CXADR: variants seen among roughly 807,000 people sequenced by gnomAD.
The protein encoded by CXADR is CXADR cell adhesion molecule, also known as coxsackievirus and adenovirus receptor.
Under a neutral mutation model 40.3 loss-of-function variants are expected in CXADR, and 20 were observed. That is an observed-to-expected ratio of 0.50 (90% confidence interval 0.35 to 0.72). The LOEUF is 0.72. Among genes scored for constraint, CXADR ranks in the 30% least tolerant of loss-of-function variants. The pLI is 0.01. For missense variants in CXADR, 332 were observed against 449.1 expected (o/e 0.74, Z 2.36); for synonymous variants, 150 against 161.3 (o/e 0.93, Z 0.53).
the CXADR span, among the ~76,000 whole-genome samples, chr21:17,614,482 G>T: frequency 2.0e-5 from 3 of 152,300 alleles, no homozygotes; most frequent in Admixed American, 1.3e-4. Context: ...TGTAGCTCAT[G>T]CCTGTAATCC....
At chr21:17,604,729 A>G in the CXADR span, 1 of 1,157,630 alleles carries the variant, frequency 8.6e-7, no homozygotes, top group Non-Finnish European at 1.2e-6. Context: ...TATTTCATAA[A>G]ATTTACATCT....
At chr21:17,596,397 T>C (rs1272998573), downstream of CXADR, among the ~76,000 whole-genome samples, 1 of 152,062 alleles carries the variant, frequency 6.6e-6, no homozygotes, top group Non-Finnish European at 1.5e-5. Flanking sequence ...CTATGTTTTC[T>C]TCTAAAAGCG....
At chr21:17,601,588 T>C in the CXADR span, among the ~76,000 whole-genome samples, 4 of 152,258 alleles carry the variant, frequency 2.6e-5, no homozygotes, top group East Asian at 1.9e-4. Flanking sequence ...AACATAAAAT[T>C]TGTGTTCTCT....
chr21:17,589,072 C>T (rs532306270), intron 7 of CXADR, among the ~76,000 whole-genome samples: 3 of 151,898 alleles, frequency 2.0e-5, no homozygotes, highest in African/African-American at 4.8e-5. Flanking sequence ...CATCCCTCTA[C>T]TCCCTAATAC....
chr21:17,533,777 T>C (rs898672227), intron 1 of CXADR, among the ~76,000 whole-genome samples: 2 of 151,888 alleles, frequency 1.3e-5, no homozygotes, highest in African/African-American at 4.8e-5. Flanking sequence ...GATTTCTCAT[T>C]GGGGATAGGG....
intron 7 of CXADR, among the ~76,000 whole-genome samples, chr21:17,591,582 A>AAT (rs2061435065): frequency 6.6e-6 from 1 of 151,172 alleles, no homozygotes; most frequent in African/African-American, 2.4e-5. Flanking sequence ...CTTTAGTATT[A>AAT]ATGTGATAGA....
At chr21:17,555,925 C>T (rs1040749551) in intron 3 of CXADR, among the ~76,000 whole-genome samples, 3 of 152,022 alleles carry the variant, frequency 2.0e-5, no homozygotes, top group Non-Finnish European at 2.9e-5. Flanking sequence ...AAAAGTATCC[C>T]CTGTCTCATG....
chr21:17,515,408 G>A (rs80137190), intron 1 of CXADR, among the ~76,000 whole-genome samples: 4,999 of 151,968 alleles, frequency 0.033, 288 homozygotes, highest in African/African-American at 0.11. Flanking sequence ...AGATCATGAC[G>A]CTGCTCTCGA....
At chr21:17,545,410 A>G (rs931875509) in intron 1 of CXADR, among the ~76,000 whole-genome samples, 1 of 152,188 alleles carries the variant, frequency 6.6e-6, no homozygotes, top group Non-Finnish European at 1.5e-5. Flanking sequence ...TTGTTCACTT[A>G]CAGACTAAAT....
At chr21:17,522,876 CCACAGGCATCTCCAGCTGATTCTGTTTCA>C (rs2060549346) in intron 1 of CXADR, among the ~76,000 whole-genome samples, 1 of 152,192 alleles carries the variant, frequency 6.6e-6, no homozygotes, top group Admixed American at 6.5e-5. Flanking sequence ...CACACACTTC[CCACAGGCATCTCCAGCTGATTCTGTTTCA>C]CACTCTTCTC....
intron 1 of CXADR, among the ~76,000 whole-genome samples, chr21:17,543,886 G>C (rs2060860157): frequency 6.6e-6 from 1 of 152,160 alleles, no homozygotes; most frequent in Non-Finnish European, 1.5e-5. Flanking sequence ...TGACAGGCCA[G>C]GCACAGTGGC....
chr21:17,632,675 G>A, the CXADR span, among the ~76,000 whole-genome samples: 7 of 151,874 alleles, frequency 4.6e-5, no homozygotes, highest in Admixed American at 3.3e-4. Context: ...AGACCATCCT[G>A]GCTAACACGG....
chr21:17,608,459 ATAGT>A, the CXADR span, among the ~76,000 whole-genome samples: 4 of 152,176 alleles, frequency 2.6e-5, no homozygotes, highest in Non-Finnish European at 5.9e-5. Context: ...CATCTAGAAA[ATAGT>A]TACACTGACT....
At chr21:17,560,949 G>C in intron 5 of CXADR, 125 bp downstream of exon 5, 1 of 1,375,112 alleles carries the variant, frequency 7.3e-7, no homozygotes, top group Non-Finnish European at 9.7e-7. Context: ...ACTGTGGTTT[G>C]ATTATTAGCT....
chr21:17,593,815 G>A (rs1355365019), downstream of CXADR: 4 of 352,016 alleles, frequency 1.1e-5, no homozygotes, highest in East Asian at 5.6e-5. Context: ...CAGTGTTCTC[G>A]TATCCAACAG....
chr21:17,528,341 TG>T (rs1402433911), intron 1 of CXADR, among the ~76,000 whole-genome samples: 3 of 152,118 alleles, frequency 2.0e-5, no homozygotes, highest in African/African-American at 7.2e-5. Context: ...CCCAAAGTGC[TG>T]GGATTACAGG....
downstream of CXADR, among the ~76,000 whole-genome samples, chr21:17,573,915 A>G (rs1215226075): frequency 2.7e-5 from 4 of 149,090 alleles, no homozygotes; most frequent in South Asian, 8.4e-4. Flanking sequence ...AAAAGAAAAA[A>G]ATTCATAATC....
In CXADR at chr21:17,513,179, A is replaced by C; in HGVS notation, c.43+7A>C. The C allele has an allele frequency of 7.3e-7, 1 of 1,364,780 alleles. No homozygotes were observed. The highest frequency in any genetic ancestry group is 9.5e-7 in the Non-Finnish European group (1 of 1,055,786). The allele number at this position is 1,364,780 out of a possible 1,614,324, so 84.5% of individuals were successfully genotyped here. ...CTCCTGTGCGGAGTAGTGGGTGAGT[A>C]GGGGCCATGGGGTCCTCAGCACCCG... On this transcript the variant is annotated splice_region_variant and intron_variant, in intron 1 of 6. Coordinates refer to ENST00000284878, the MANE Select transcript of CXADR (RefSeq NM_001338.5).
chr21:17,568,475 G>A lies in CXADR; in HGVS notation c.*2783G>A. 3.1e-6 allele frequency: 3 copies of A among 973,010 alleles called. No individual in the cohort carries two copies. The highest frequency in any genetic ancestry group is 3.6e-6 in the Non-Finnish European group (3 of 826,686). The allele number at this position is 973,010 out of a possible 1,614,324, so 60.3% of individuals were successfully genotyped here. ...AGCCATTTTATTCTACTTTATAACT[G>A]AGAGACTTGATACCATCCATCTCTT... On this transcript the variant is annotated 3_prime_UTR_variant, in exon 7 of 7. Transcript: ENST00000284878.
Sources: allele counts gnomAD v4.1 joint callset (sites outside exome capture counted in the v4.1 genomes callset), GRCh38; gene constraint gnomAD v4.1.1; transcripts MANE v1.5; gene names NCBI Gene and HGNC (gene_info 2026-07-23, HGNC 2026-07-21).